NTNG1: variants seen among roughly 807,000 people sequenced by gnomAD.
The protein encoded by NTNG1 is netrin G1, also known as netrin-G1.
NTNG1 carries 16 observed loss-of-function variants against 54.0 expected under a neutral mutation model. That is an observed-to-expected ratio of 0.30 (90% CI 0.20 to 0.45). The LOEUF is 0.45. Among genes scored for constraint, NTNG1 ranks in the 20% least tolerant of loss-of-function variants. The pLI, the probability that NTNG1 is intolerant of heterozygous loss-of-function variation, is 1.00. For missense variants in NTNG1, 530 were observed against 678.7 expected (o/e 0.78, Z 2.43); for synonymous variants, 255 against 263.1 (o/e 0.97, Z 0.30).
At chr1:107,383,920 T>C (rs1671792161) in intron 3 of NTNG1, among the ~76,000 whole-genome samples, 1 of 152,262 alleles carries the variant, frequency 6.6e-6, no homozygotes, top group Non-Finnish European at 1.5e-5. Flanking sequence ...ATGCTGTTAA[T>C]TGCTTATTGG....
chr1:107,153,748 C>T (rs779016928), intron 2 of NTNG1, among the ~76,000 whole-genome samples: 2 of 152,090 alleles, frequency 1.3e-5, no homozygotes, highest in Non-Finnish European at 2.9e-5. Context: ...TACAGCCTAT[C>T]GTCCACTACT....
intron 7 of NTNG1, among the ~76,000 whole-genome samples, chr1:107,460,620 T>C (rs1419994226): frequency 1.3e-5 from 2 of 152,242 alleles, no homozygotes; most frequent in Non-Finnish European, 2.9e-5. Context: ...ATAGCTTCTT[T>C]TTTTTGACAG....
intron 3 of NTNG1, among the ~76,000 whole-genome samples, chr1:107,370,797 G>A (rs975644956): frequency 6.6e-6 from 1 of 151,286 alleles, no homozygotes; most frequent in African/African-American, 2.4e-5. Context: ...TTCTGTATAG[G>A]TTTTGCACAT....
chr1:107,151,302 C>G (rs1418742235), intron 2 of NTNG1, among the ~76,000 whole-genome samples: 1 of 152,150 alleles, frequency 6.6e-6, no homozygotes, highest in Non-Finnish European at 1.5e-5. Context: ...GGATTCCTGA[C>G]AGAAGGTTGG....
intron 3 of NTNG1, among the ~76,000 whole-genome samples, chr1:107,386,658 T>C (rs989168571): frequency 6.6e-6 from 1 of 152,212 alleles, no homozygotes; most frequent in Non-Finnish European, 1.5e-5. Context: ...TTGGGTTGTG[T>C]TCACTTTTTG....
At chr1:107,360,149 G>A (rs1225454869) in intron 3 of NTNG1, among the ~76,000 whole-genome samples, 1 of 152,100 alleles carries the variant, frequency 6.6e-6, no homozygotes, top group Non-Finnish European at 1.5e-5. Flanking sequence ...TAGAAAAATT[G>A]ATTTTTTTTA....
chr1:107,326,431 T>A (rs746503587), intron 3 of NTNG1, among the ~76,000 whole-genome samples: 3 of 152,154 alleles, frequency 2.0e-5, no homozygotes, highest in Non-Finnish European at 4.4e-5. Flanking sequence ...CTATTTATAG[T>A]AATACACAGC....
At position 107,209,835 on chromosome 1, in the gene NTNG1, G is replaced by A. The variant is rs77026873; in HGVS notation, c.246+60996G>A. Among the ~76,000 whole-genome samples the A allele has an allele frequency of 4.8e-3, 733 of 152,144 alleles. 8 individuals are homozygous for A. Among genetic ancestry groups the A allele is most frequent in the African/African-American group, 0.017 (691 of 41,514 alleles). ...AGAGACCTGGCAACAGGTGTCCCTA[G>A]ATCAGGCCATGCCTGAAGTCAGGTC... On this transcript the variant is annotated intron_variant, in intron 2 of 7. Transcript: ENST00000370068.
At chr1:107,303,859 T>C (rs1666483668) in intron 2 of NTNG1, among the ~76,000 whole-genome samples, 1 of 152,066 alleles carries the variant, frequency 6.6e-6, no homozygotes, top group South Asian at 2.1e-4. Flanking sequence ...GCTAATTTTT[T>C]GTATGATAGT....
intron 7 of NTNG1, 60 bp from the exon 8 acceptor site, chr1:107,480,551 A>C: frequency 9.8e-7 from 1 of 1,015,758 alleles, no homozygotes; most frequent in Non-Finnish European, 1.5e-6. Flanking sequence ...GATGAACTTC[A>C]ATTGATTCTG....
chr1:107,262,283 A>C (rs892070706), intron 2 of NTNG1, among the ~76,000 whole-genome samples: 1 of 152,238 alleles, frequency 6.6e-6, no homozygotes, highest in Non-Finnish European at 1.5e-5. Context: ...TGGGAGGACG[A>C]CTAGGTTCAC....
intron 2 of NTNG1, among the ~76,000 whole-genome samples, chr1:107,172,596 C>T (rs765935494): frequency 8.5e-5 from 13 of 152,112 alleles, no homozygotes; most frequent in Non-Finnish European, 1.6e-4. Context: ...TGTCTTTATA[C>T]TGTCACTATA....
chr1:107,460,820 A>T (rs1677238526), intron 7 of NTNG1, among the ~76,000 whole-genome samples: 1 of 152,188 alleles, frequency 6.6e-6, no homozygotes, highest in Non-Finnish European at 1.5e-5. Context: ...CACTGCTGTG[A>T]CACATTCTGA....
At chr1:107,449,135 A>G (rs1676472827) in intron 7 of NTNG1, among the ~76,000 whole-genome samples, 1 of 149,220 alleles carries the variant, frequency 6.7e-6, no homozygotes, top group Admixed American at 6.8e-5. Context: ...GTACTTGTTG[A>G]AAAACTTTCT....
chr1:107,220,819 T>A (rs968892769), intron 2 of NTNG1, among the ~76,000 whole-genome samples: 1 of 152,176 alleles, frequency 6.6e-6, no homozygotes, highest in Non-Finnish European at 1.5e-5. Flanking sequence ...ACTATACCCT[T>A]CCTGTGGAAA....
intron 2 of NTNG1, among the ~76,000 whole-genome samples, chr1:107,231,412 A>C (rs1163718109): frequency 6.6e-6 from 1 of 152,144 alleles, no homozygotes; most frequent in African/African-American, 2.4e-5. Context: ...TACTGCGGTA[A>C]ATGGTGGTTA....
At chr1:107,192,334 C>T (rs888631301) in intron 2 of NTNG1, among the ~76,000 whole-genome samples, 2 of 152,032 alleles carry the variant, frequency 1.3e-5, no homozygotes, top group Non-Finnish European at 2.9e-5. Flanking sequence ...TTTACACAAC[C>T]ATCCTGGATG....
chr1:107,321,696 G>T (rs959593639), intron 2 of NTNG1, among the ~76,000 whole-genome samples: 1 of 152,026 alleles, frequency 6.6e-6, no homozygotes, highest in Non-Finnish European at 1.5e-5. Flanking sequence ...TAATTTCAAG[G>T]TATATCAGAT....
At chr1:107,160,731 C>T (rs1655341983) in intron 2 of NTNG1, among the ~76,000 whole-genome samples, 1 of 152,134 alleles carries the variant, frequency 6.6e-6, no homozygotes, top group Admixed American at 6.6e-5. Flanking sequence ...TTGCTCCCAC[C>T]TTGCTCAGTC....
Sources: allele counts gnomAD v4.1 joint callset (sites outside exome capture counted in the v4.1 genomes callset), GRCh38; gene constraint gnomAD v4.1.1; transcripts MANE v1.5; gene names NCBI Gene and HGNC (gene_info 2026-07-23, HGNC 2026-07-21).